KANSL1: variants seen among roughly 807,000 people sequenced by gnomAD.
The protein encoded by KANSL1 is MLL1/MLL complex subunit KANSL1.
In KANSL1, 22 loss-of-function variants were observed where a neutral mutation model predicts 103.6. The observed-to-expected ratio is 0.21, with a 90% CI of 0.15 to 0.30. KANSL1 has a LOEUF of 0.30. KANSL1 is among the 10% of genes least tolerant of loss of function. The pLI is 1.00. For missense variants in KANSL1, 1,337 were observed against 1,399.8 expected, an observed-to-expected ratio of 0.96 and a Z score of 0.72; for synonymous variants, 600 against 527.6, an observed-to-expected ratio of 1.14 and a Z score of -1.88.
At chr17:46,122,688 G>A (rs1319402478) in intron 2 of KANSL1, among the ~76,000 whole-genome samples, 3 of 152,106 alleles carry the variant, frequency 2.0e-5, no homozygotes, top group Admixed American at 2.0e-4. Flanking sequence ...TTCCAACAGC[G>A]TGCACTCACT....
rs2046245849 is a variant in KANSL1, at chr17:46,170,845, G to A, written c.1289+10C>T. 1 of 1,584,924 alleles carries A rather than the reference G, an allele frequency of 6.3e-7. No homozygotes were observed. The highest frequency in any genetic ancestry group is 8.6e-7 in the Non-Finnish European group (1 of 1,166,344). Reference sequence around the variant, plus strand: ...TCTCAAGAATGCTATCATGCATGAGGTCTACTCACAGGGGTACATGACGCT... The same window carrying A: ...TCTCAAGAATGCTATCATGCATGAGATCTACTCACAGGGGTACATGACGCT... On this transcript the variant is annotated intron_variant, in intron 2 of 14. Coordinates refer to ENST00000432791, the MANE Select transcript of KANSL1 (RefSeq NM_015443.4).
intron 2 of KANSL1, among the ~76,000 whole-genome samples, chr17:46,147,538 AC>A (rs1205749337): frequency 1.3e-5 from 2 of 148,532 alleles, no homozygotes; most frequent in Non-Finnish European, 3.0e-5. Flanking sequence ...CATACCACTA[AC>A]CCCTCCAGCC....
At chr17:46,043,075 A>G (rs528774799) in intron 7 of KANSL1, 1 of 152,336 alleles carries the variant, frequency 6.6e-6, no homozygotes. Context: ...TCGGCCCTGT[A>G]AAACAATCTG....
chr17:46,045,170 G>C (rs1364139208), intron 7 of KANSL1: 1 of 152,148 alleles, frequency 6.6e-6, no homozygotes, highest in Non-Finnish European at 1.5e-5. Flanking sequence ...GCTATACAAT[G>C]ATGTACAGGG....
intron 8 of KANSL1, 34 bp downstream of exon 8, chr17:46,039,668 A>G: frequency 6.3e-7 from 1 of 1,591,576 alleles, no homozygotes; most frequent in Non-Finnish European, 8.6e-7. Flanking sequence ...AGTCACTGAT[A>G]CTCTGGGGGA....
chr17:46,199,057 A>T (rs2047708606), intron 1 of KANSL1, among the ~76,000 whole-genome samples: 1 of 147,974 alleles, frequency 6.8e-6, no homozygotes, highest in Non-Finnish European at 1.5e-5. Flanking sequence ...AACCAGCTAA[A>T]TATTAAATAG....
intron 1 of KANSL1, among the ~76,000 whole-genome samples, chr17:46,215,865 A>AC (rs375675516): frequency 0.054 from 8,232 of 151,696 alleles, 748 homozygotes; most frequent in African/African-American, 0.19. Flanking sequence ...ACATGGTGAA[A>AC]CCCCATCTCT....
chr17:46,039,015 G>A lies in KANSL1; in HGVS notation c.2392+12C>T, dbSNP rs2146361888. On this transcript the variant is annotated intron_variant, in intron 9 of 14. Transcript: ENST00000432791. Reference sequence around the variant, plus strand: ...GCAGTTGCAGGTAGAGGTGCCATGGGCCTGGCCCTACCTTCACTTCTCTCA... The same window carrying A: ...GCAGTTGCAGGTAGAGGTGCCATGGACCTGGCCCTACCTTCACTTCTCTCA... 1.9e-6 allele frequency: 3 copies of A among 1,607,956 alleles called. No individual in the cohort carries two copies. Among genetic ancestry groups the A allele is most frequent in the Admixed American group, 1.7e-5 (1 of 58,346 alleles).
chr17:46,092,713 T>G (rs866030514), intron 3 of KANSL1, among the ~76,000 whole-genome samples: 5 of 40,220 alleles, frequency 1.2e-4, no homozygotes, highest in Admixed American at 3.3e-4. Context: ...TTTTTTTTTT[T>G]TTGGGGGGGG....
chr17:46,123,992 TG>T (rs56359268), intron 2 of KANSL1, among the ~76,000 whole-genome samples: 21,653 of 152,004 alleles, frequency 0.14, 2,119 homozygotes, highest in Non-Finnish European at 0.22. Context: ...GGAGAATGCT[TG>T]ACTTCAAAGC....
In KANSL1 at chr17:46,183,278, A is replaced by ATT. The variant is rs68180932; in HGVS notation, c.-90+9543_-90+9544dup. Reference sequence around the variant, plus strand: ...AAAAGCCACCCAAACAAAAACACTAATTTTTTTTTTTTAAATGATGGCCTA... The same window carrying ATT: ...AAAAGCCACCCAAACAAAAACACTAATTTTTTTTTTTTTTAAATGATGGCCTA... On this transcript the variant is annotated intron_variant, in intron 1 of 14. Transcript: ENST00000432791. Among the ~76,000 whole-genome samples the ATT allele has an allele frequency of 1.9e-3, 281 of 149,192 alleles. 1 individual carries two copies. The highest frequency in any genetic ancestry group is 6.6e-3 in the African/African-American group (267 of 40,604).
chr17:46,084,635 C>T (rs1469938570), intron 3 of KANSL1, among the ~76,000 whole-genome samples: 1 of 143,526 alleles, frequency 7.0e-6, no homozygotes, highest in African/African-American at 2.6e-5. Context: ...TGAGCCAAGA[C>T]TGTGCCATTG....
intron 1 of KANSL1, among the ~76,000 whole-genome samples, chr17:46,209,213 AAG>A: frequency 6.6e-6 from 1 of 152,166 alleles, no homozygotes; most frequent in Admixed American, 6.5e-5. Context: ...AAAGTCACCT[AAG>A]AGACAGTTTA....
At chr17:46,056,667 A>G (rs1223553502) in intron 6 of KANSL1, among the ~76,000 whole-genome samples, 1 of 152,260 alleles carries the variant, frequency 6.6e-6, no homozygotes, top group Non-Finnish European at 1.5e-5. Context: ...TTAACACTGT[A>G]TAATATGATC....
In KANSL1 at chr17:46,029,955, CTTTTT is replaced by C. The variant is rs67801660; in HGVS notation, c.*1516_*1520del. 4 of 145,566 alleles carry C rather than the reference CTTTTT, an allele frequency of 2.7e-5. No individual in the cohort carries two copies. Among genetic ancestry groups the C allele is most frequent in the South Asian group, 2.2e-4 (1 of 4,566 alleles). The allele number at this position is 145,566 out of a possible 1,614,324, so 9.0% of individuals were successfully genotyped here. ...TTTTTATTTTTTTCAATTTTTCCTT[CTTTTT>C]TTTTTTTAAGCACTAGTCTGTGCTT... On this transcript the variant is annotated 3_prime_UTR_variant, in exon 15 of 15. Transcript: ENST00000432791.
At position 46,170,875 on chromosome 17, in the gene KANSL1, G is replaced by A. The variant is rs750165871; in HGVS notation, c.1269C>T (p.Pro423=). Residue 423 remains proline, a synonymous_variant, in exon 2 of 15, where the codon CCC becomes CCT. Transcript: ENST00000432791. ...CTCACAGGGGTACATGACGCTGCTC[G>A]GGATCAGCTCTGGTCAGTTCTTCCT... is the stretch of plus-strand genomic sequence containing the variant. ...IEEEELTRAD[P]EQRHVPLRRR... is the part of the protein sequence containing the mutation. The A allele has an allele frequency of 1.1e-5, 17 of 1,607,562 alleles. No individual in the cohort carries two copies. The highest frequency in any genetic ancestry group is 7.7e-5 in the South Asian group (7 of 90,814).
At chr17:46,092,788 T>A (rs2079461031) in intron 3 of KANSL1, 1 of 150,446 alleles carries the variant, frequency 6.6e-6, no homozygotes, top group Admixed American at 6.7e-5. Flanking sequence ...TGATACACAG[T>A]ATTTCATCAA....
intron 2 of KANSL1, among the ~76,000 whole-genome samples, chr17:46,147,572 TAAAAAAAAAA>T (rs10717937): frequency 5.8e-5 from 6 of 103,076 alleles, no homozygotes; most frequent in African/African-American, 8.3e-5. Flanking sequence ...TGAGACTCTT[TAAAAAAAAAA>T]AAAAAAAAAA....
intron 1 of KANSL1, among the ~76,000 whole-genome samples, chr17:46,180,246 C>T (rs1278068464): frequency 1.3e-5 from 2 of 150,712 alleles, no homozygotes; most frequent in Non-Finnish European, 3.0e-5. Context: ...CTGCAATCCC[C>T]GCACTTTGGG....
Sources: gnomAD v4.1 joint callset for allele counts (sites outside exome capture counted in the v4.1 genomes callset) on GRCh38, gnomAD v4.1.1 for gene constraint, MANE v1.5 for transcripts, NCBI Gene and HGNC (gene_info 2026-07-23, HGNC 2026-07-21) for gene names.